Variants in TOM1L2 observed in about 807,000 individuals in gnomAD.
TOM1L2 encodes the protein target of myb1 like 2 membrane trafficking protein.
TOM1L2 carries 31 observed loss-of-function variants against 67.9 expected under a neutral mutation model. The observed-to-expected ratio is 0.46, with a 90% CI of 0.34 to 0.62. TOM1L2 has a LOEUF of 0.62. Among genes scored for constraint, TOM1L2 ranks in the 20% least tolerant of loss-of-function variants. The pLI, the probability that TOM1L2 is intolerant of heterozygous loss-of-function variation, is 0.01. For missense variants in TOM1L2, 606 were observed against 663.5 expected (o/e 0.91, Z 0.95); for synonymous variants, 256 against 254.0 (o/e 1.01, Z -0.07).
At chr17:17,956,570 G>T (rs189664582) in intron 1 of TOM1L2, among the ~76,000 whole-genome samples, 24 of 152,318 alleles carry the variant, frequency 1.6e-4, no homozygotes, top group Middle Eastern at 3.4e-3. Context: ...GGGGAGGTTC[G>T]GGCCGCATAG....
At chr17:17,932,862 G>C (rs976475560) in intron 1 of TOM1L2, among the ~76,000 whole-genome samples, 1 of 152,134 alleles carries the variant, frequency 6.6e-6, no homozygotes, top group African/African-American at 2.4e-5. Flanking sequence ...CAAAGATTCT[G>C]TTTCAGTGCA....
intron 1 of TOM1L2, among the ~76,000 whole-genome samples, chr17:17,934,725 T>C (rs539439435): frequency 6.6e-6 from 1 of 152,286 alleles, no homozygotes; most frequent in South Asian, 2.1e-4. Flanking sequence ...ATCTGGTCTT[T>C]GGGTAAAATT....
In TOM1L2 at chr17:17,906,286, G is replaced by C. The variant is rs59692932; in HGVS notation, c.137+1161C>G. On this transcript the variant is annotated intron_variant, in intron 2 of 14. Coordinates refer to ENST00000379504, the MANE Select transcript of TOM1L2 (RefSeq NM_001082968.2). Reference sequence around the variant, plus strand: ...TGGGACTACAGGTGTGCACCACCACGCCTGGCTAACTTTTGTATTTTTTGT... The same window carrying C: ...TGGGACTACAGGTGTGCACCACCACCCCTGGCTAACTTTTGTATTTTTTGT... 4.0e-3 allele frequency among the ~76,000 whole-genome samples: 606 copies of C among 151,716 alleles called. 14 individuals carry two copies. Among genetic ancestry groups the C allele is most frequent in the East Asian group, 1.9e-3 (10 of 5,136 alleles).
chr17:17,965,122 G>A (rs898889644), intron 1 of TOM1L2, among the ~76,000 whole-genome samples: 2 of 151,328 alleles, frequency 1.3e-5, no homozygotes, highest in Admixed American at 1.3e-4. Flanking sequence ...GCACAGAAGC[G>A]GGCTTTCATG....
In TOM1L2 at chr17:17,950,613, A is replaced by T. The variant is rs111427183; in HGVS notation, c.52+21649T>A. Among the ~76,000 whole-genome samples the T allele has an allele frequency of 1.3e-3, 193 of 152,288 alleles. 1 individual carries two copies. The highest frequency in any genetic ancestry group is 4.4e-3 in the African/African-American group (182 of 41,558). On this transcript the variant is annotated intron_variant, in intron 1 of 14. Transcript: ENST00000379504. ...AGAGTGAGTCTTGGCGGGGAGCCTT[A>T]GGCAGACAACAGGATCCTGCTAGAA...
Position 17,861,558 on chromosome 17 carries a change from A to G in TOM1L2, c.1203-7T>C, listed in dbSNP as rs1260832115. On this transcript the variant is annotated splice_polypyrimidine_tract_variant and splice_region_variant and intron_variant, in intron 11 of 14. Transcript: ENST00000379504. The stretch of plus-strand genomic sequence containing the variant: ...AGGATCCTCATAGGTTACCCTGGAG[A>G]TGAAGAAGCAGCACAAGCAGAGTTC... 2 of 1,613,874 alleles carry G rather than the reference A, an allele frequency of 1.2e-6. No homozygotes were observed. Among genetic ancestry groups the G allele is most frequent in the African/African-American group, 1.3e-5 (1 of 75,064 alleles).
chr17:17,866,452 G>C, intron 9 of TOM1L2, 33 bp from the exon 10 acceptor site: 1 of 1,550,298 alleles, frequency 6.5e-7, no homozygotes, highest in South Asian at 1.2e-5. Context: ...ATAAGCCCCA[G>C]AACCCTGGAG....
chr17:17,945,746 AG>A (rs1286766605), intron 1 of TOM1L2, among the ~76,000 whole-genome samples: 3 of 152,248 alleles, frequency 2.0e-5, no homozygotes, highest in African/African-American at 7.2e-5. Context: ...AATGAAATGT[AG>A]GACTCTTTCC....
chr17:17,871,347 G>A (rs948282673), intron 7 of TOM1L2, among the ~76,000 whole-genome samples: 5 of 151,572 alleles, frequency 3.3e-5, no homozygotes, highest in South Asian at 2.1e-4. Context: ...CTCCAGACTG[G>A]GAGAGAGAGC....
Position 17,847,548 on chromosome 17 carries a change from A to G in TOM1L2, c.*87T>C. The G allele has an allele frequency of 2.7e-6, 4 of 1,499,908 alleles. No individual in the cohort carries two copies. The highest frequency in any genetic ancestry group is 3.6e-6 in the Non-Finnish European group (4 of 1,122,562). 92.9% of individuals were successfully genotyped at this position (1,499,908 alleles called of 1,614,324 possible). ...AAACACAGGTGTGCAGGCCGTGTGG[A>G]GCTGGGGATGTAGGAGTGGCCAGTG... is the stretch of plus-strand genomic sequence containing the variant. On this transcript the variant is annotated 3_prime_UTR_variant, in exon 15 of 15. Transcript: ENST00000379504.
chr17:17,851,435 C>T, intron 12 of TOM1L2: 2 of 199,598 alleles, frequency 1.0e-5, no homozygotes, highest in Admixed American at 1.1e-4. Context: ...CAGGGCAGCA[C>T]CAGCCCCGGG....
intron 1 of TOM1L2, among the ~76,000 whole-genome samples, chr17:17,960,263 C>G (rs979307907): frequency 6.6e-6 from 1 of 152,256 alleles, no homozygotes; most frequent in African/African-American, 2.4e-5. Flanking sequence ...AGCACCAGCT[C>G]TGCTGCCCAC....
At chr17:17,944,702 A>G (rs1243576744) in intron 1 of TOM1L2, among the ~76,000 whole-genome samples, 3 of 152,224 alleles carry the variant, frequency 2.0e-5, no homozygotes, top group Non-Finnish European at 4.4e-5. Context: ...GTCTCCTACA[A>G]GGAGAGGTGA....
intron 1 of TOM1L2, among the ~76,000 whole-genome samples, chr17:17,932,869 T>G (rs2040390472): frequency 6.6e-6 from 1 of 152,212 alleles, no homozygotes; most frequent in African/African-American, 2.4e-5. Flanking sequence ...TCTGTTTCAG[T>G]GCATCTGATG....
At chr17:17,934,793 G>C (rs2040457252) in intron 1 of TOM1L2, among the ~76,000 whole-genome samples, 2 of 152,216 alleles carry the variant, frequency 1.3e-5, no homozygotes, top group South Asian at 4.1e-4. Flanking sequence ...GCAGGGCACG[G>C]TGACAAGGCC....
chr17:17,870,201 A>C (rs1469160080), intron 7 of TOM1L2, among the ~76,000 whole-genome samples: 1 of 152,116 alleles, frequency 6.6e-6, no homozygotes, highest in Non-Finnish European at 1.5e-5. Context: ...GCTGGCCGAA[A>C]GAGGAAATTC....
At chr17:17,918,972 G>A (rs2039743179) in intron 1 of TOM1L2, among the ~76,000 whole-genome samples, 1 of 152,158 alleles carries the variant, frequency 6.6e-6, no homozygotes, top group Non-Finnish European at 1.5e-5. Context: ...CAGGCACTGG[G>A]CAGTCTGGTG....
chr17:17,875,874 A>G (rs1289234183), intron 7 of TOM1L2, among the ~76,000 whole-genome samples: 1 of 152,246 alleles, frequency 6.6e-6, no homozygotes, highest in East Asian at 1.9e-4. Flanking sequence ...AAGGGGAATA[A>G]TGAAGCTAAA....
chr17:17,865,742 C>CTTTTTT (rs35408977), intron 10 of TOM1L2, among the ~76,000 whole-genome samples: 2 of 103,538 alleles, frequency 1.9e-5, no homozygotes, highest in Non-Finnish European at 4.1e-5. Context: ...GGTGACCTTT[C>CTTTTTT]TTTTTTTTTT....
Sources: allele counts gnomAD v4.1 joint callset (sites outside exome capture counted in the v4.1 genomes callset), GRCh38; gene constraint gnomAD v4.1.1; transcripts MANE v1.5; gene names NCBI Gene and HGNC (gene_info 2026-07-23, HGNC 2026-07-21).